ADK: variants seen among roughly 807,000 people sequenced by gnomAD.
The protein encoded by ADK is N6,N6-dimethyladenosine kinase.
In ADK, 24 loss-of-function variants were observed where a neutral mutation model predicts 44.7. That is an observed-to-expected ratio of 0.54 (90% CI 0.39 to 0.76). The LOEUF is 0.76. Among genes scored for constraint, ADK ranks in the 30% least tolerant of loss-of-function variants. The pLI, the probability that ADK is intolerant of heterozygous loss-of-function variation, is 0.00. For synonymous variants in ADK, 128 were observed against 142.6 expected (o/e 0.90, Z 0.73); for missense variants, 321 against 425.1 (o/e 0.76, Z 2.15).
At chr10:74,704,231 G>A (rs1416466187) in intron 10 of ADK, among the ~76,000 whole-genome samples, 1 of 152,056 alleles carries the variant, frequency 6.6e-6, no homozygotes, top group Non-Finnish European at 1.5e-5. Context: ...TTTCTTTTGG[G>A]GTGATGAAAA....
intron 8 of ADK, among the ~76,000 whole-genome samples, chr10:74,595,176 C>CAAAAAA (rs781407492): frequency 1.7e-4 from 5 of 29,604 alleles, no homozygotes; most frequent in Admixed American, 3.8e-4. Context: ...AACTCCATCT[C>CAAAAAA]AAAAAAAAAA....
chr10:74,394,107 G>C (rs764968702), intron 4 of ADK, 34 bp from the exon 5 acceptor site: 2 of 1,606,770 alleles, frequency 1.2e-6, no homozygotes, highest in Admixed American at 3.4e-5. Context: ...CCATTTTTTT[G>C]CCCCATTAAA....
At chr10:74,225,284 G>A (rs1469069833) in intron 3 of ADK, among the ~76,000 whole-genome samples, 4 of 151,974 alleles carry the variant, frequency 2.6e-5, no homozygotes, top group African/African-American at 9.7e-5. Flanking sequence ...TGCCATGTTG[G>A]CCAGGCTGGT....
At chr10:74,557,854 T>G (rs563143708) in intron 7 of ADK, among the ~76,000 whole-genome samples, 1 of 152,232 alleles carries the variant, frequency 6.6e-6, no homozygotes, top group East Asian at 1.9e-4. Flanking sequence ...CATCAATGGA[T>G]TAGGAGATTC....
At chr10:74,269,892 G>T (rs1846360871) in intron 3 of ADK, among the ~76,000 whole-genome samples, 1 of 152,138 alleles carries the variant, frequency 6.6e-6, no homozygotes. Context: ...CAGCTACTCG[G>T]GAGGCTGAGG....
chr10:74,513,455 C>T (rs1848429016), intron 6 of ADK, among the ~76,000 whole-genome samples: 1 of 152,146 alleles, frequency 6.6e-6, no homozygotes, highest in South Asian at 2.1e-4. Flanking sequence ...GTTATATTCT[C>T]TTGTTGGATC....
chr10:74,693,884 G>A (rs1398294850), intron 10 of ADK, among the ~76,000 whole-genome samples: 1 of 152,104 alleles, frequency 6.6e-6, no homozygotes, highest in Non-Finnish European at 1.5e-5. Flanking sequence ...AATTCATCCA[G>A]TGGCTACAAT....
At chr10:74,421,387 C>T (rs1257272957) in intron 6 of ADK, among the ~76,000 whole-genome samples, 1 of 152,016 alleles carries the variant, frequency 6.6e-6, no homozygotes, top group Non-Finnish European at 1.5e-5. Flanking sequence ...GATAAATAAA[C>T]AAGAGGGGAG....
intron 7 of ADK, among the ~76,000 whole-genome samples, chr10:74,584,459 C>T (rs928244661): frequency 1.1e-4 from 17 of 152,128 alleles, no homozygotes; most frequent in South Asian, 8.3e-4. Context: ...TGTACTCTTT[C>T]CATTGGCTAT....
chr10:74,340,240 A>G (rs1209421946), intron 4 of ADK, among the ~76,000 whole-genome samples: 2 of 152,148 alleles, frequency 1.3e-5, no homozygotes, highest in Non-Finnish European at 2.9e-5. Context: ...GGGTAAGGAA[A>G]AGGTGTGAAA....
intron 2 of ADK, among the ~76,000 whole-genome samples, chr10:74,203,498 A>G (rs1181875427): frequency 6.6e-6 from 1 of 151,944 alleles, no homozygotes; most frequent in African/African-American, 2.4e-5. Context: ...AACTGAGACT[A>G]TATGCAGGTA....
intron 10 of ADK, among the ~76,000 whole-genome samples, chr10:74,703,311 A>G (rs946217024): frequency 4.6e-5 from 7 of 151,908 alleles, no homozygotes; most frequent in African/African-American, 1.5e-4. Context: ...ACAAAACCCC[A>G]TCTACTAAAA....
At chr10:74,270,234 C>T (rs1026130869) in intron 3 of ADK, among the ~76,000 whole-genome samples, 1 of 151,780 alleles carries the variant, frequency 6.6e-6, no homozygotes, top group Non-Finnish European at 1.5e-5. Flanking sequence ...TTGATAATTA[C>T]AATATTAGAA....
intron 4 of ADK, among the ~76,000 whole-genome samples, chr10:74,340,548 A>G (rs1359824874): frequency 6.6e-6 from 1 of 152,210 alleles, no homozygotes; most frequent in Non-Finnish European, 1.5e-5. Flanking sequence ...TAAAAAGAAT[A>G]GAAACCTAGA....
chr10:74,497,652 G>A (rs1459925900), intron 6 of ADK, among the ~76,000 whole-genome samples: 1 of 152,154 alleles, frequency 6.6e-6, no homozygotes. Context: ...ATGTTAGGTA[G>A]TGATTAATGC....
chr10:74,627,559 A>AG (rs1702227600), intron 9 of ADK, among the ~76,000 whole-genome samples: 1 of 141,418 alleles, frequency 7.1e-6, no homozygotes, highest in Non-Finnish European at 1.5e-5. Flanking sequence ...TATTTTGTTG[A>AG]GTTTTTTTTT....
rs551780932 is a variant in ADK, at chr10:74,256,816, G to A, written c.194+32225G>A. 3.3e-5 allele frequency among the ~76,000 whole-genome samples: 5 copies of A among 152,256 alleles called. No homozygotes were observed. In the South Asian group the frequency reaches 1.0e-3, roughly 32 times the overall value. The stretch of plus-strand genomic sequence containing the variant: ...GATAAATGGTACATGAACCTAACGT[G>A]TTTTTATTGATGCAACCATATATCA... On this transcript the variant is annotated intron_variant, in intron 3 of 10. Coordinates refer to ENST00000539909, the MANE Select transcript of ADK (RefSeq NM_006721.4).
chr10:74,519,539 G>A (rs1848725340), intron 6 of ADK, among the ~76,000 whole-genome samples: 1 of 151,832 alleles, frequency 6.6e-6, no homozygotes, highest in South Asian at 2.1e-4. Context: ...AATGAAATAA[G>A]TACACTGATA....
intron 3 of ADK, among the ~76,000 whole-genome samples, chr10:74,237,245 A>T (rs1417534201): frequency 6.6e-6 from 1 of 152,206 alleles, no homozygotes; most frequent in Non-Finnish European, 1.5e-5. Context: ...TCATTTCAGC[A>T]GTGTTCACAG....
Sources: allele counts gnomAD v4.1 joint callset (sites outside exome capture counted in the v4.1 genomes callset), GRCh38; gene constraint gnomAD v4.1.1; transcripts MANE v1.5; gene names NCBI Gene and HGNC (gene_info 2026-07-23, HGNC 2026-07-21).